The following SDK1 variants were observed in gnomAD, a reference collection of about 807,000 sequenced individuals.
The protein encoded by SDK1 is protein sidekick-1.
In SDK1, 157 loss-of-function variants were observed where a neutral mutation model predicts 245.5. The observed-to-expected ratio is 0.64, with a 90% confidence interval of 0.56 to 0.73. The LOEUF (loss-of-function observed/expected upper bound fraction) is 0.73, where lower values mean the gene tolerates loss of function less well. SDK1 is among the 30% of genes least tolerant of loss of function. SDK1 has a pLI of 0.00. For synonymous variants in SDK1, 1,647 were observed against 1,278.5 expected (o/e 1.29, Z -6.15); for missense variants, 3,583 against 3,002.3 (o/e 1.19, Z -4.52).
chr7:3,449,782 A>G (rs79463811), intron 1 of SDK1, among the ~76,000 whole-genome samples: 7,474 of 152,302 alleles, frequency 0.049, 579 homozygotes, highest in African/African-American at 0.16. Flanking sequence ...TTTACTGAAC[A>G]TCAGCTGTGC....
chr7:3,543,192 T>C (rs1583146418), intron 1 of SDK1, among the ~76,000 whole-genome samples: 1 of 152,266 alleles, frequency 6.6e-6, no homozygotes, highest in Non-Finnish European at 1.5e-5. Flanking sequence ...TTTCTACCAC[T>C]AGCAAGAAAA....
At chr7:3,378,329 TAAAAAC>T (rs1186221336) in intron 1 of SDK1, among the ~76,000 whole-genome samples, 7 of 152,188 alleles carry the variant, frequency 4.6e-5, no homozygotes, top group Non-Finnish European at 1.0e-4. Flanking sequence ...TAATTCTACT[TAAAAAC>T]AAAAGTCCTT....
intron 12 of SDK1, among the ~76,000 whole-genome samples, chr7:3,973,407 C>T (rs1358577681): frequency 6.6e-6 from 1 of 152,144 alleles, no homozygotes; most frequent in Non-Finnish European, 1.5e-5. Flanking sequence ...GAGTGCTGGC[C>T]CTGCCCGTGG....
intron 4 of SDK1, among the ~76,000 whole-genome samples, chr7:3,736,696 C>T (rs1053405640): frequency 1.3e-5 from 2 of 152,136 alleles, no homozygotes; most frequent in East Asian, 1.9e-4. Flanking sequence ...AGGTATACAG[C>T]GTGATGCTTT....
chr7:3,681,866 C>T (rs942230346), intron 4 of SDK1, among the ~76,000 whole-genome samples: 1 of 152,114 alleles, frequency 6.6e-6, no homozygotes, highest in African/African-American at 2.4e-5. Context: ...CTCTTGGGAC[C>T]AGATATGTTT....
rs147475105 is a variant in SDK1 at position 4,145,775 on chromosome 7, G to C, written c.4282G>C (p.Val1428Leu). Residue 1428 changes from valine (V) to leucine (L), a missense_variant, in exon 29 of 45, where the codon GTG becomes CTG. By Grantham distance (32) the Val-to-Leu change is conservative. Coordinates refer to ENST00000404826, the MANE Select transcript of SDK1 (RefSeq NM_152744.4). The stretch of plus-strand genomic sequence containing the variant: ...CAGCAGCCCCCACACCTTCACCACC[G>C]TGGAGGTCGGCGCCACAGTGAGGCA... ...ASSSPHTFTT[V>L]EVGATVRQFT... is the part of the protein sequence containing the mutation. The C allele has an allele frequency of 5.6e-6, 9 of 1,613,294 alleles. No homozygotes were observed. The African/African-American group carries it at 1.2e-4, about 22-fold the overall frequency.
chr7:3,845,452 T>C (rs1419188706), intron 5 of SDK1, among the ~76,000 whole-genome samples: 1 of 131,770 alleles, frequency 7.6e-6, no homozygotes, highest in Non-Finnish European at 1.5e-5. Flanking sequence ...ATCGCGCCAC[T>C]GCACTCCAGC....
chr7:4,219,249 G>T (rs1426173308), intron 38 of SDK1, among the ~76,000 whole-genome samples: 1 of 152,226 alleles, frequency 6.6e-6, no homozygotes, highest in Non-Finnish European at 1.5e-5. Flanking sequence ...CAGGCAGGCT[G>T]CAGCCTCCTC....
At chr7:3,403,863 A>ATTTATT (rs1778974551) in intron 1 of SDK1, among the ~76,000 whole-genome samples, 1 of 100,014 alleles carries the variant, frequency 1.0e-5, no homozygotes, top group African/African-American at 4.7e-5. Flanking sequence ...ATATATATAT[A>ATTTATT]TATATAATAT....
intron 5 of SDK1, among the ~76,000 whole-genome samples, chr7:3,827,217 T>G (rs1418179839): frequency 6.6e-6 from 1 of 152,204 alleles, no homozygotes; most frequent in Non-Finnish European, 1.5e-5. Flanking sequence ...CAGTCACTGG[T>G]CTGAGTATCA....
chr7:3,645,302 A>G (rs971433220), intron 4 of SDK1, among the ~76,000 whole-genome samples: 1 of 152,214 alleles, frequency 6.6e-6, no homozygotes, highest in African/African-American at 2.4e-5. Context: ...TCTCAGGAAA[A>G]TAATGCAGTA....
At chr7:4,239,315 A>G (rs1040811102) in intron 42 of SDK1, among the ~76,000 whole-genome samples, 2 of 152,218 alleles carry the variant, frequency 1.3e-5, no homozygotes, top group African/African-American at 4.8e-5. Context: ...AGAGGTATAA[A>G]CAGGGAAGAT....
intron 4 of SDK1, among the ~76,000 whole-genome samples, chr7:3,729,474 T>G (rs1430166919): frequency 2.6e-5 from 4 of 152,204 alleles, no homozygotes. Flanking sequence ...ATTTGCCATC[T>G]TGTGAGTGAA....
chr7:4,037,784 C>G (rs905809266), intron 17 of SDK1, among the ~76,000 whole-genome samples: 5 of 152,180 alleles, frequency 3.3e-5, no homozygotes, highest in African/African-American at 1.2e-4. Context: ...CATCTTTTAC[C>G]TAGAGACCTT....
At chr7:4,160,818 G>A (rs1168123951) in intron 31 of SDK1, among the ~76,000 whole-genome samples, 4 of 152,124 alleles carry the variant, frequency 2.6e-5, no homozygotes, top group Non-Finnish European at 5.9e-5. Context: ...AAAACAGAAC[G>A]GGGAAGGTGG....
intron 4 of SDK1, among the ~76,000 whole-genome samples, chr7:3,658,721 C>A (rs111341019): frequency 6.6e-6 from 1 of 151,164 alleles, no homozygotes; most frequent in South Asian, 2.1e-4. Flanking sequence ...TTCAAGAAAT[C>A]CTCATGTCTC....
At chr7:4,116,204 A>G (rs1783698461) in intron 25 of SDK1, among the ~76,000 whole-genome samples, 1 of 152,182 alleles carries the variant, frequency 6.6e-6, no homozygotes, top group East Asian at 1.9e-4. Context: ...GCTCCCAGCA[A>G]TAAGGAAAGG....
chr7:3,310,049 A>G (rs999211253), intron 1 of SDK1, among the ~76,000 whole-genome samples: 1 of 152,236 alleles, frequency 6.6e-6, no homozygotes, highest in Admixed American at 6.5e-5. Context: ...CTAGGGAATA[A>G]CTAGAGCCAC....
chr7:3,409,776 G>T (rs73034713), intron 1 of SDK1, among the ~76,000 whole-genome samples: 15,860 of 152,134 alleles, frequency 0.1, 1,086 homozygotes, highest in African/African-American at 0.18. Flanking sequence ...GCTGTGGTGG[G>T]GTGGAGGGGA....
Sources: allele counts gnomAD v4.1 joint callset (sites outside exome capture counted in the v4.1 genomes callset), GRCh38; gene constraint gnomAD v4.1.1; transcripts MANE v1.5; gene names NCBI Gene and HGNC (gene_info 2026-07-23, HGNC 2026-07-21).